Variants in SAMD12 observed in about 807,000 individuals in gnomAD.
SAMD12 encodes sterile alpha motif domain-containing protein 12.
SAMD12 carries 9 observed loss-of-function variants against 15.0 expected under a neutral mutation model. The observed-to-expected ratio is 0.60, with a 90% CI of 0.36 to 1.05. The LOEUF is 1.05. Ranked by LOEUF, SAMD12 falls within the 50% of genes least tolerant of loss-of-function variation. The pLI is 0.01. For missense variants in SAMD12, 230 were observed against 234.2 expected, an observed-to-expected ratio of 0.98 and a Z score of 0.12; for synonymous variants, 86 against 90.1, an observed-to-expected ratio of 0.96 and a Z score of 0.25.
chr8:118,344,804 T>A (rs1401694532), intron 4 of SAMD12, among the ~76,000 whole-genome samples: 1 of 152,216 alleles, frequency 6.6e-6, no homozygotes, highest in Admixed American at 6.5e-5. Context: ...TACGGTCACA[T>A]GCCACATAAT....
chr8:118,473,167 C>T (rs976715276), intron 2 of SAMD12, among the ~76,000 whole-genome samples: 4 of 152,166 alleles, frequency 2.6e-5, no homozygotes, highest in East Asian at 1.9e-4. Flanking sequence ...AGCTTCTGTC[C>T]TCTACTAGGC....
At chr8:118,367,761 C>A (rs1208120351) in intron 4 of SAMD12, among the ~76,000 whole-genome samples, 2 of 152,100 alleles carry the variant, frequency 1.3e-5, no homozygotes, top group Non-Finnish European at 2.9e-5. Flanking sequence ...AAGGATCATT[C>A]CTGATAGAAA....
At chr8:118,502,522 C>CT (rs1824813535) in intron 2 of SAMD12, among the ~76,000 whole-genome samples, 1 of 152,140 alleles carries the variant, frequency 6.6e-6, no homozygotes, top group Non-Finnish European at 1.5e-5. Flanking sequence ...ACAGGAAAAT[C>CT]TTTTTTCTAA....
chr8:118,132,972 GTATATA>G, the SAMD12 span, among the ~76,000 whole-genome samples: 1,542 of 47,550 alleles, frequency 0.032, 41 homozygotes, highest in Non-Finnish European at 0.038. Flanking sequence ...GTGTGTGTGT[GTATATA>G]TATATATATA....
In SAMD12 at chr8:118,545,179, AC is replaced by A. The variant is rs762225722; in HGVS notation, c.192+35535del. On this transcript the variant is annotated intron_variant, in intron 2 of 3. Coordinates refer to ENST00000314727, the MANE Select transcript of SAMD12 (RefSeq NM_207506.3). ...TGCACACATATATTTTAAAACAAGA[AC>A]CCCAGGCCAGGCACAGTGGCTCACA... Among the ~76,000 whole-genome samples the A allele has an allele frequency of 5.3e-5, 8 of 152,178 alleles. No individual in the cohort carries two copies. The South Asian group carries it at 6.2e-4, about 12-fold the overall frequency.
intron 3 of SAMD12, among the ~76,000 whole-genome samples, chr8:118,382,634 G>A (rs1185678744): frequency 6.6e-6 from 1 of 152,164 alleles, no homozygotes; most frequent in East Asian, 1.9e-4. Flanking sequence ...CATATTAAAT[G>A]TCCAACTGTT....
chr8:118,430,138 C>T (rs1299920775), intron 3 of SAMD12, among the ~76,000 whole-genome samples: 1 of 152,134 alleles, frequency 6.6e-6, no homozygotes, highest in Non-Finnish European at 1.5e-5. Context: ...ATTGGACATA[C>T]ATTCTATAAA....
At chr8:118,502,131 T>A (rs1824801535) in intron 2 of SAMD12, among the ~76,000 whole-genome samples, 1 of 152,224 alleles carries the variant, frequency 6.6e-6, no homozygotes, top group South Asian at 2.1e-4. Context: ...AGACCTCACT[T>A]TCTGTAGTAA....
the SAMD12 span, among the ~76,000 whole-genome samples, chr8:118,156,804 G>A: frequency 6.6e-6 from 1 of 152,190 alleles, no homozygotes; most frequent in African/African-American, 2.4e-5. Context: ...TGAGTAGAGT[G>A]ACATTCCTAG....
At chr8:118,279,353 G>GA (rs566256676) in intron 4 of SAMD12, among the ~76,000 whole-genome samples, 40 of 150,836 alleles carry the variant, frequency 2.7e-4, no homozygotes, top group African/African-American at 5.1e-4. Flanking sequence ...GAATACACAT[G>GA]AAAAAAAAAT....
At chr8:118,393,350 G>A (rs1820383001) in intron 3 of SAMD12, among the ~76,000 whole-genome samples, 1 of 151,770 alleles carries the variant, frequency 6.6e-6, no homozygotes, top group Non-Finnish European at 1.5e-5. Context: ...CACCACCATG[G>A]CCGGCTAGGT....
chr8:118,161,202 A>T, the SAMD12 span, among the ~76,000 whole-genome samples: 1 of 152,214 alleles, frequency 6.6e-6, no homozygotes, highest in East Asian at 1.9e-4. Flanking sequence ...GTTGTTGGAC[A>T]TTTAGGTTGG....
chr8:118,409,614 C>T (rs1019887095), intron 3 of SAMD12, among the ~76,000 whole-genome samples: 10 of 152,016 alleles, frequency 6.6e-5, no homozygotes, highest in African/African-American at 2.4e-4. Flanking sequence ...TAAAGTATTC[C>T]CAAGAGAGGT....
intron 4 of SAMD12, among the ~76,000 whole-genome samples, chr8:118,210,386 C>G (rs992641324): frequency 4.6e-5 from 7 of 152,162 alleles, no homozygotes; most frequent in African/African-American, 1.7e-4. Context: ...ACTTCCACCT[C>G]CCTAAGGAAG....
At chr8:118,549,721 T>G (rs2131175557) in intron 2 of SAMD12, among the ~76,000 whole-genome samples, 1 of 151,306 alleles carries the variant, frequency 6.6e-6, no homozygotes, top group South Asian at 2.1e-4. Flanking sequence ...ATTCAGACGA[T>G]CAAACTACGA....
At chr8:118,343,453 G>C (rs1175014094) in intron 4 of SAMD12, among the ~76,000 whole-genome samples, 1 of 152,042 alleles carries the variant, frequency 6.6e-6, no homozygotes, top group African/African-American at 2.4e-5. Context: ...CTGCAAGCCA[G>C]TCCCAGCCCT....
At chr8:118,291,960 T>G (rs532927384) in intron 4 of SAMD12, among the ~76,000 whole-genome samples, 1 of 151,418 alleles carries the variant, frequency 6.6e-6, no homozygotes, top group East Asian at 2.0e-4. Flanking sequence ...AATAGTATGT[T>G]TCTTTTCTTA....
rs1292179118 is a variant in SAMD12 at position 118,586,566 on chromosome 8, C to T, written c.14-5673G>A. Reference sequence around the variant, plus strand: ...CCATGTTGCCCAGGCTGGTCTTAGACTCCTGGGCTCAAGCGACCTGCCCAC... The same window carrying T: ...CCATGTTGCCCAGGCTGGTCTTAGATTCCTGGGCTCAAGCGACCTGCCCAC... On this transcript the variant is annotated intron_variant, in intron 1 of 3. Transcript: ENST00000314727. Among the ~76,000 whole-genome samples, 6 of 152,262 alleles carry T rather than the reference C, an allele frequency of 3.9e-5. No individual in the cohort carries two copies. The East Asian group carries it at 1.2e-3, about 29-fold the overall frequency.
chr8:118,188,065 G>GA (rs1221489942), downstream of SAMD12, among the ~76,000 whole-genome samples: 1 of 151,946 alleles, frequency 6.6e-6, no homozygotes, highest in Non-Finnish European at 1.5e-5. Context: ...GAGAGGAAGA[G>GA]AGAGAAAGAG....
Sources: allele counts gnomAD v4.1 joint callset (sites outside exome capture counted in the v4.1 genomes callset), GRCh38; gene constraint gnomAD v4.1.1; transcripts MANE v1.5; gene names NCBI Gene and HGNC (gene_info 2026-07-23, HGNC 2026-07-21).